Variants in SH2D4B observed in about 807,000 individuals in gnomAD.
The protein encoded by SH2D4B is SH2 domain containing 4B.
In SH2D4B, 45 loss-of-function variants were observed where a neutral mutation model predicts 61.5. That is an observed-to-expected ratio of 0.73 (90% confidence interval 0.58 to 0.94). The LOEUF is 0.94. Ranked by LOEUF, SH2D4B falls within the 40% of genes least tolerant of loss-of-function variation. SH2D4B has a pLI of 0.00. For synonymous variants in SH2D4B, 224 were observed against 220.4 expected, an observed-to-expected ratio of 1.02 and a Z score of -0.14; for missense variants, 572 against 574.2, an observed-to-expected ratio of 1.00 and a Z score of 0.04.
chr10:80,546,103 G>A (rs995256304), intron 1 of SH2D4B, among the ~76,000 whole-genome samples: 4 of 144,242 alleles, frequency 2.8e-5, no homozygotes, highest in African/African-American at 1.0e-4. Context: ...GCAGTGCAGT[G>A]GTGCAATCTC....
intron 1 of SH2D4B, among the ~76,000 whole-genome samples, chr10:80,549,120 T>A (rs977589558): frequency 1.3e-5 from 2 of 151,882 alleles, no homozygotes; most frequent in African/African-American, 4.8e-5. Context: ...TGATTGTGAT[T>A]GTGTGGCTAA....
At chr10:80,560,004 T>TC (rs1841883530) in intron 1 of SH2D4B, among the ~76,000 whole-genome samples, 2 of 149,678 alleles carry the variant, frequency 1.3e-5, no homozygotes, top group African/African-American at 4.9e-5. Flanking sequence ...TTTTTTTTTT[T>TC]TGAGACGGGG....
rs56968814 is a variant in SH2D4B, at chr10:80,634,198, G to A, written c.989-87G>A. The A allele has an allele frequency of 0.01, 14,930 of 1,450,386 alleles. 1,279 individuals are homozygous for A. In the African/African-American group the frequency reaches 0.19, roughly 18 times the overall value. The allele number at this position is 1,450,386 out of a possible 1,614,324, so 89.8% of individuals were successfully genotyped here. On this transcript the variant is annotated intron_variant, in intron 6 of 7. Transcript: ENST00000646907. ...GGATGGCATGTGCACTGAGCCACAG[G>A]GTGAGGGGCAGGGAGGAGTGGAGAA...
chr10:80,595,991 T>A (rs1365801793), intron 4 of SH2D4B, among the ~76,000 whole-genome samples: 2 of 152,154 alleles, frequency 1.3e-5, no homozygotes, highest in East Asian at 3.9e-4. Flanking sequence ...GGGAGGGAAA[T>A]GTGGGTGGGG....
rs563682807 is a variant in SH2D4B, at chr10:80,538,833, G to A, written c.184+318G>A. Among the ~76,000 whole-genome samples, 3 of 152,230 alleles carry A rather than the reference G, an allele frequency of 2.0e-5. No individual in the cohort carries two copies. The highest frequency in any genetic ancestry group is 2.0e-4 in the Admixed American group (3 of 15,282). ...TTGAGACTTCAGATTGTGCTCCGACGTGGTTGGCAATGGTAGGGTGAACGA... is the reference window on the plus strand; with the variant it reads ...TTGAGACTTCAGATTGTGCTCCGACATGGTTGGCAATGGTAGGGTGAACGA... On this transcript the variant is annotated intron_variant, in intron 1 of 7. Transcript: ENST00000646907. The surrounding 1 kb of genome is among the most constrained non-coding windows in gnomAD (Gnocchi z 4.8).
chr10:80,627,254 A>C (rs1178485443), intron 6 of SH2D4B, among the ~76,000 whole-genome samples: 1 of 152,200 alleles, frequency 6.6e-6, no homozygotes, highest in Non-Finnish European at 1.5e-5. Flanking sequence ...GTAATCCTTC[A>C]ATCCATTTTC....
chr10:80,543,884 T>C (rs1235018369), intron 1 of SH2D4B, among the ~76,000 whole-genome samples: 1 of 151,958 alleles, frequency 6.6e-6, no homozygotes, highest in Non-Finnish European at 1.5e-5. Flanking sequence ...ACTCTGTATC[T>C]AGCTGATCTG....
chr10:80,599,639 G>A (rs1365323483), intron 4 of SH2D4B, among the ~76,000 whole-genome samples: 2 of 152,164 alleles, frequency 1.3e-5, no homozygotes, highest in Admixed American at 6.5e-5. Flanking sequence ...GCAGGCTTCA[G>A]GACCACAAGG....
chr10:80,593,765 CTT>C (rs909972120), intron 4 of SH2D4B, among the ~76,000 whole-genome samples: 2 of 152,186 alleles, frequency 1.3e-5, no homozygotes, highest in African/African-American at 4.8e-5. Context: ...GCAGCCCTCT[CTT>C]GTTTCTCATC....
chr10:80,638,782 CT>C (rs1378395474), intron 7 of SH2D4B, among the ~76,000 whole-genome samples: 2 of 152,096 alleles, frequency 1.3e-5, no homozygotes, highest in Non-Finnish European at 2.9e-5. Context: ...GTGTGTCTAT[CT>C]CCTTCAGTTC....
At chr10:80,613,967 A>G (rs781218445) in intron 6 of SH2D4B, among the ~76,000 whole-genome samples, 2 of 152,204 alleles carry the variant, frequency 1.3e-5, no homozygotes, top group Non-Finnish European at 2.9e-5. Flanking sequence ...GGAAGGAAAT[A>G]TAAATCACAG....
At chr10:80,567,280 G>A (rs60624908) in intron 1 of SH2D4B, among the ~76,000 whole-genome samples, 5,510 of 152,272 alleles carry the variant, frequency 0.036, 297 homozygotes, top group African/African-American at 0.12. Flanking sequence ...CTGTACTGAA[G>A]GGAAGTTGAG....
chr10:80,586,923 TG>T (rs1166599874), intron 3 of SH2D4B, among the ~76,000 whole-genome samples: 26 of 149,706 alleles, frequency 1.7e-4, no homozygotes, highest in Non-Finnish European at 5.9e-5. Context: ...CCTTAAGAGC[TG>T]TAACACTCAC....
At chr10:80,566,421 G>A (rs1321606081) in intron 1 of SH2D4B, among the ~76,000 whole-genome samples, 3 of 150,934 alleles carry the variant, frequency 2.0e-5, no homozygotes, top group Non-Finnish European at 4.4e-5. Context: ...TCAGCCTCCC[G>A]AGTAGCTGGG....
chr10:80,569,977 A>C (rs1438973160), intron 1 of SH2D4B, among the ~76,000 whole-genome samples, 177 bp from the exon 2 acceptor site: 1 of 152,086 alleles, frequency 6.6e-6, no homozygotes, highest in Non-Finnish European at 1.5e-5. Context: ...CCCTAGAGGA[A>C]TAGAGAGTGG....
chr10:80,551,779 T>C (rs559591792), intron 1 of SH2D4B, among the ~76,000 whole-genome samples: 50 of 152,304 alleles, frequency 3.3e-4, no homozygotes, highest in African/African-American at 7.0e-4. Context: ...CTTCTGCAGG[T>C]TCCCGAAGAG....
intron 7 of SH2D4B, 49 bp downstream of exon 7, chr10:80,634,554 T>C (rs1842874951): frequency 1.9e-6 from 3 of 1,540,916 alleles, no homozygotes; most frequent in Non-Finnish European, 1.8e-6. Context: ...CTGGTGGAAA[T>C]TGGAGCTGAA....
chr10:80,545,189 C>T (rs376609042), intron 1 of SH2D4B, among the ~76,000 whole-genome samples: 15 of 152,190 alleles, frequency 9.9e-5, no homozygotes, highest in Non-Finnish European at 1.6e-4. Flanking sequence ...TCACCACTGT[C>T]TAGTTCCAGA....
intron 6 of SH2D4B, among the ~76,000 whole-genome samples, chr10:80,625,573 C>CTTTT (rs564697811): frequency 5.1e-5 from 7 of 136,618 alleles, no homozygotes; most frequent in African/African-American, 1.7e-4. Flanking sequence ...TTTTCTTTTT[C>CTTTT]TTTTTTTTTC....
Sources: allele counts gnomAD v4.1 joint callset (sites outside exome capture counted in the v4.1 genomes callset), GRCh38; gene constraint gnomAD v4.1.1; non-coding constraint Gnocchi (gnomAD v3.1); transcripts MANE v1.5; gene names NCBI Gene and HGNC (gene_info 2026-07-23, HGNC 2026-07-21).